COL12A1: variants seen among roughly 807,000 people sequenced by gnomAD.
COL12A1 encodes the protein collagen alpha-1(XII) chain.
A neutral mutation model predicts 349.7 loss-of-function variants in COL12A1; 114 were observed. That is an observed-to-expected ratio of 0.33 (90% CI 0.28 to 0.38). The LOEUF is 0.38. Among genes scored for constraint, COL12A1 ranks in the 10% least tolerant of loss-of-function variants. COL12A1 has a pLI of 1.00. For synonymous variants in COL12A1, 1,369 were observed against 1,329.0 expected, an observed-to-expected ratio of 1.03 and a Z score of -0.66; for missense variants, 3,284 against 3,756.9, an observed-to-expected ratio of 0.87 and a Z score of 3.29.
intron 44 of COL12A1, among the ~76,000 whole-genome samples, chr6:75,119,954 G>C (rs1313633894): frequency 1.3e-5 from 2 of 152,166 alleles, no homozygotes; most frequent in African/African-American, 4.8e-5. Context: ...GGATTTAGTG[G>C]AAAAAGTACA....
chr6:75,146,331 T>G, intron 23 of COL12A1, 87 bp from the exon 24 acceptor site: 1 of 1,368,030 alleles, frequency 7.3e-7, no homozygotes. Flanking sequence ...TTATTGATAT[T>G]TGTATATACT....
At chr6:75,179,256 C>T (rs889118959) in intron 11 of COL12A1, among the ~76,000 whole-genome samples, 1 of 152,116 alleles carries the variant, frequency 6.6e-6, no homozygotes, top group Non-Finnish European at 1.5e-5. Context: ...TTGTAGTAGA[C>T]CAATGACCAA....
At position 75,154,618 on chromosome 6, in the gene COL12A1, A is replaced by C. The variant is rs148133154; in HGVS notation, c.3444-81T>G. ...ACTTTTTTTTTGCTTTGTTAAAGAC[A>C]TTTTTCTTGATTTACAAGCTTACAC... On this transcript the variant is annotated intron_variant, in intron 16 of 65. Transcript: ENST00000322507. The C allele has an allele frequency of 2.1e-4, 298 of 1,391,694 alleles. 1 individual carries two copies. In the African/African-American group the frequency reaches 3.4e-3, roughly 16 times the overall value. The allele number at this position is 1,391,694 out of a possible 1,614,324, so 86.2% of individuals were successfully genotyped here.
chr6:75,192,625 G>T lies in COL12A1; in HGVS notation c.191-270C>A, dbSNP rs532418375. Among the ~76,000 whole-genome samples the T allele has an allele frequency of 2.6e-5, 4 of 152,204 alleles. No individual in the cohort carries two copies. In the East Asian group the frequency reaches 7.7e-4, roughly 29 times the overall value. ...ACATTTCTAGTTTAAAGGTATACCA[G>T]AATATCGAACTAAAAATCTTTCATT... On this transcript the variant is annotated intron_variant, in intron 3 of 65. Coordinates refer to ENST00000322507, the MANE Select transcript of COL12A1 (RefSeq NM_004370.6).
intron 14 of COL12A1, among the ~76,000 whole-genome samples, chr6:75,158,322 C>G (rs983015611): frequency 2.0e-5 from 3 of 152,136 alleles, no homozygotes; most frequent in Non-Finnish European, 4.4e-5. Flanking sequence ...CTCTCTCTCT[C>G]TTTCCACATT....
chr6:75,117,016 G>A (rs1769116705), intron 47 of COL12A1, among the ~76,000 whole-genome samples: 1 of 152,116 alleles, frequency 6.6e-6, no homozygotes, highest in Non-Finnish European at 1.5e-5. Context: ...CACGGATGTT[G>A]ACAGAACAAA....
chr6:75,106,918 T>C (rs1768593800), intron 52 of COL12A1, among the ~76,000 whole-genome samples: 1 of 128,272 alleles, frequency 7.8e-6, no homozygotes. Context: ...TTTTTTTTTT[T>C]TGAGACAGAG....
Position 75,126,339 on chromosome 6 carries a change from G to T in COL12A1, c.6460+12C>A, listed in dbSNP as rs1766011723. 1 of 1,603,064 alleles carries T rather than the reference G, an allele frequency of 6.2e-7. No individual in the cohort carries two copies. Among genetic ancestry groups the T allele is most frequent in the Non-Finnish European group, 8.5e-7 (1 of 1,172,768 alleles). ...CCAAAGCATTTCTATGATGACAAAGGCACTTCCTTACCCACTGGCTTATAT... is the reference window on the plus strand; with the variant it reads ...CCAAAGCATTTCTATGATGACAAAGTCACTTCCTTACCCACTGGCTTATAT... On this transcript the variant is annotated intron_variant, in intron 39 of 65. Coordinates refer to ENST00000322507, the MANE Select transcript of COL12A1 (RefSeq NM_004370.6).
chr6:75,085,641 T>A lies in COL12A1; in HGVS notation c.*906A>T, dbSNP rs1198457907. 2 of 247,508 alleles carry A rather than the reference T, an allele frequency of 8.1e-6. No homozygotes were observed. The highest frequency in any genetic ancestry group is 1.7e-5 in the Non-Finnish European group (2 of 119,500). The allele number at this position is 247,508 out of a possible 1,614,324, so 15.3% of individuals were successfully genotyped here. On this transcript the variant is annotated 3_prime_UTR_variant, in exon 66 of 66. Transcript: ENST00000322507. ...AGGGTCAGAGACTGGGCCAAAGAAC[T>A]GTAAACGCAGTAACTAAGTAGGATT...
rs1411003087 is a variant in COL12A1, at chr6:75,148,724, T to C, written c.4148-227A>G. ...AGCCTCAAAAGATTAAAACATGAGC[T>C]CATTGTCTTTCCTTAAAACCTGATC... On this transcript the variant is annotated intron_variant, in intron 21 of 65. Coordinates refer to ENST00000322507, the MANE Select transcript of COL12A1 (RefSeq NM_004370.6). Among the ~76,000 whole-genome samples, 3 of 152,106 alleles carry C rather than the reference T, an allele frequency of 2.0e-5. No individual in the cohort carries two copies. The East Asian group carries it at 5.8e-4, about 29-fold the overall frequency.
At chr6:75,172,651 C>A (rs1023960511) in intron 13 of COL12A1, among the ~76,000 whole-genome samples, 1 of 152,112 alleles carries the variant, frequency 6.6e-6, no homozygotes, top group Non-Finnish European at 1.5e-5. Context: ...GGATGTTGCC[C>A]CAGATTGTAA....
intron 8 of COL12A1, 112 bp downstream of exon 8, chr6:75,188,250 G>C: frequency 8.6e-7 from 1 of 1,164,552 alleles, no homozygotes; most frequent in Admixed American, 2.7e-5. Flanking sequence ...GTATACAATT[G>C]TAGAATCACT....
intron 49 of COL12A1, 145 bp downstream of exon 49, chr6:75,115,638 TA>T: frequency 9.7e-7 from 1 of 1,034,766 alleles, no homozygotes; most frequent in Non-Finnish European, 1.4e-6. Context: ...ACAATTAGCC[TA>T]ACTGTATTTA....
chr6:75,107,949 T>G (rs1271588354), intron 52 of COL12A1, among the ~76,000 whole-genome samples: 1 of 152,202 alleles, frequency 6.6e-6, no homozygotes, highest in Non-Finnish European at 1.5e-5. Context: ...CTTTTGAATC[T>G]AGAAGAAAAT....
At chr6:75,160,871 C>CA (rs1258510575) in intron 14 of COL12A1, among the ~76,000 whole-genome samples, 3 of 152,186 alleles carry the variant, frequency 2.0e-5, no homozygotes, top group African/African-American at 4.8e-5. Flanking sequence ...TTTCTGATCA[C>CA]AAAAACATCA....
intron 31 of COL12A1, among the ~76,000 whole-genome samples, chr6:75,136,171 T>G (rs1281759677): frequency 2.6e-5 from 4 of 152,202 alleles, no homozygotes; most frequent in Non-Finnish European, 5.9e-5. Context: ...AAGCTTCTCC[T>G]GATTTGTAGT....
chr6:75,095,399 T>C (rs529029957), intron 59 of COL12A1, among the ~76,000 whole-genome samples: 3 of 151,646 alleles, frequency 2.0e-5, no homozygotes, highest in South Asian at 4.2e-4. Flanking sequence ...GGGTGGATCA[T>C]GAGGTCAGGA....
chr6:75,094,068 C>A (rs1000620809), intron 60 of COL12A1, among the ~76,000 whole-genome samples: 1 of 152,088 alleles, frequency 6.6e-6, no homozygotes, highest in Admixed American at 6.5e-5. Flanking sequence ...TTGGTGCAAA[C>A]GTAATTATGG....
intron 17 of COL12A1, among the ~76,000 whole-genome samples, chr6:75,154,017 C>T (rs1413751639): frequency 6.6e-6 from 1 of 151,736 alleles, no homozygotes; most frequent in Non-Finnish European, 1.5e-5. Flanking sequence ...CTTAATTATG[C>T]AATAATGCAT....
Sources: allele counts gnomAD v4.1 joint callset (sites outside exome capture counted in the v4.1 genomes callset), GRCh38; gene constraint gnomAD v4.1.1; transcripts MANE v1.5; gene names NCBI Gene and HGNC (gene_info 2026-07-23, HGNC 2026-07-21).